PPP1R9A: variants seen among roughly 807,000 people sequenced by gnomAD.
The protein encoded by PPP1R9A is protein phosphatase 1 regulatory subunit 9A.
In PPP1R9A, 59 loss-of-function variants were observed where a neutral mutation model predicts 141.9. That is an observed-to-expected ratio of 0.42 (90% CI 0.34 to 0.52). PPP1R9A has a LOEUF of 0.52. Ranked by LOEUF, PPP1R9A falls within the 20% of genes least tolerant of loss-of-function variation. The pLI is 0.10. For synonymous variants in PPP1R9A, 500 were observed against 569.7 expected, an observed-to-expected ratio of 0.88 and a Z score of 1.74; for missense variants, 1,444 against 1,611.9, an observed-to-expected ratio of 0.90 and a Z score of 1.78.
chr7:95,085,386 C>A (rs1371198075), intron 2 of PPP1R9A, among the ~76,000 whole-genome samples: 1 of 150,976 alleles, frequency 6.6e-6, no homozygotes, highest in Non-Finnish European at 1.5e-5. Context: ...AGGCATGAGC[C>A]ACTGCGCTCA....
At chr7:95,163,142 GA>G (rs1472774773) in intron 5 of PPP1R9A, among the ~76,000 whole-genome samples, 1 of 152,162 alleles carries the variant, frequency 6.6e-6, no homozygotes, top group Non-Finnish European at 1.5e-5. Flanking sequence ...ATTTTAAAAT[GA>G]AATAGGTAAG....
intron 8 of PPP1R9A, among the ~76,000 whole-genome samples, chr7:95,229,223 A>G (rs1024223059): frequency 4.6e-5 from 7 of 152,010 alleles, no homozygotes; most frequent in African/African-American, 1.7e-4. Flanking sequence ...TTTTGCCCCA[A>G]GAACTACCAC....
intron 5 of PPP1R9A, among the ~76,000 whole-genome samples, chr7:95,168,757 CAT>C (rs1472506694): frequency 6.6e-6 from 1 of 151,952 alleles, no homozygotes. Flanking sequence ...CAAAATAAGA[CAT>C]AGAAATGACT....
intron 2 of PPP1R9A, among the ~76,000 whole-genome samples, chr7:95,110,988 C>T (rs978023954): frequency 4.6e-5 from 7 of 152,112 alleles, no homozygotes; most frequent in Admixed American, 6.6e-5. Context: ...CTATAAAAGG[C>T]GATAAATATT....
chr7:94,996,659 C>T lies in PPP1R9A; in HGVS notation c.1395+85151C>T, dbSNP rs187183177. On this transcript the variant is annotated intron_variant, in intron 2 of 19. Coordinates refer to ENST00000433360, the MANE Select transcript of PPP1R9A (RefSeq NM_001166160.2). Reference sequence around the variant, plus strand: ...TCTTGGATTCAAAGTACACATATGTCACTTGTTTACTATTATAGGCTACTT... The same window carrying T: ...TCTTGGATTCAAAGTACACATATGTTACTTGTTTACTATTATAGGCTACTT... Among the ~76,000 whole-genome samples, 4 of 152,244 alleles carry T rather than the reference C, an allele frequency of 2.6e-5. No individual in the cohort carries two copies. In the South Asian group the frequency reaches 8.3e-4, roughly 32 times the overall value.
At chr7:95,034,851 T>G (rs1808224572) in intron 2 of PPP1R9A, among the ~76,000 whole-genome samples, 1 of 152,216 alleles carries the variant, frequency 6.6e-6, no homozygotes, top group South Asian at 2.1e-4. Context: ...TATTTTTGTT[T>G]AATCTTTTTA....
intron 2 of PPP1R9A, among the ~76,000 whole-genome samples, chr7:94,934,448 T>G (rs1412993752): frequency 6.6e-6 from 1 of 152,228 alleles, no homozygotes; most frequent in African/African-American, 2.4e-5. Flanking sequence ...TGTTGAGATC[T>G]ATCCTGAGTT....
At chr7:95,171,422 CA>C (rs1832093680) in intron 5 of PPP1R9A, among the ~76,000 whole-genome samples, 1 of 151,484 alleles carries the variant, frequency 6.6e-6, no homozygotes, top group African/African-American at 2.4e-5. Context: ...TTTTAAAAGT[CA>C]GTTTTGAAAA....
intron 2 of PPP1R9A, among the ~76,000 whole-genome samples, chr7:95,011,759 A>G (rs1804450936): frequency 6.6e-6 from 1 of 152,186 alleles, no homozygotes; most frequent in Non-Finnish European, 1.5e-5. Context: ...CACATTTCTT[A>G]TGAATGACTT....
chr7:95,025,930 A>T (rs1357009780), intron 2 of PPP1R9A, among the ~76,000 whole-genome samples: 1 of 152,130 alleles, frequency 6.6e-6, no homozygotes, highest in Non-Finnish European at 1.5e-5. Flanking sequence ...CCATCAGATC[A>T]TTTATGTTCT....
chr7:95,235,922 C>T (rs1796614964), intron 8 of PPP1R9A, among the ~76,000 whole-genome samples: 1 of 152,152 alleles, frequency 6.6e-6, no homozygotes, highest in Non-Finnish European at 1.5e-5. Context: ...TATGTTCTCA[C>T]TTAAATGTGG....
intron 2 of PPP1R9A, among the ~76,000 whole-genome samples, chr7:94,917,716 CT>C (rs749577385): frequency 2.6e-5 from 4 of 152,044 alleles, no homozygotes; most frequent in Non-Finnish European, 2.9e-5. Context: ...CAGTTGCTTG[CT>C]TTTTGGATCA....
Position 95,150,194 on chromosome 7 carries a change from T to G in PPP1R9A, c.1650-11673T>G, listed in dbSNP as rs192932077. Reference sequence around the variant, plus strand: ...AAATCTGAAGAAGTACCTTACACCCTTCACAAGAATTAACTCAAAATGAAT... The same window carrying G: ...AAATCTGAAGAAGTACCTTACACCCGTCACAAGAATTAACTCAAAATGAAT... On this transcript the variant is annotated intron_variant, in intron 4 of 19. Transcript: ENST00000433360. Among the ~76,000 whole-genome samples the G allele has an allele frequency of 4.6e-5, 7 of 151,684 alleles. No individual in the cohort carries two copies. In the East Asian group the frequency reaches 9.6e-4, roughly 21 times the overall value.
chr7:95,263,007 C>T (rs1334269931), intron 12 of PPP1R9A, among the ~76,000 whole-genome samples: 3 of 152,094 alleles, frequency 2.0e-5, no homozygotes, highest in African/African-American at 7.2e-5. Flanking sequence ...GCCAAATTAT[C>T]TGGCAGTTAG....
At chr7:95,076,569 A>G (rs902468619) in intron 2 of PPP1R9A, among the ~76,000 whole-genome samples, 1 of 152,046 alleles carries the variant, frequency 6.6e-6, no homozygotes, top group Non-Finnish European at 1.5e-5. Flanking sequence ...ATTTTCTCTT[A>G]TATCTAGCTG....
chr7:94,987,547 G>A (rs1303260311), intron 2 of PPP1R9A, among the ~76,000 whole-genome samples: 1 of 152,064 alleles, frequency 6.6e-6, no homozygotes, highest in African/African-American at 2.4e-5. Context: ...GTTCTCTGTA[G>A]CGTTATTTAA....
intron 2 of PPP1R9A, among the ~76,000 whole-genome samples, chr7:95,074,803 G>A (rs1814594797): frequency 6.6e-6 from 1 of 151,884 alleles, no homozygotes; most frequent in Non-Finnish European, 1.5e-5. Flanking sequence ...GTTTCCATGG[G>A]TGTTGCTAAA....
chr7:95,229,962 A>G (rs117247451), intron 8 of PPP1R9A, among the ~76,000 whole-genome samples: 1 of 152,324 alleles, frequency 6.6e-6, no homozygotes, highest in East Asian at 1.9e-4. Flanking sequence ...CATGGCTACA[A>G]GACCTGAAGA....
intron 2 of PPP1R9A, among the ~76,000 whole-genome samples, chr7:94,929,493 C>T (rs1483927462): frequency 6.6e-6 from 1 of 152,162 alleles, no homozygotes; most frequent in Admixed American, 6.5e-5. Flanking sequence ...GAAAAAAATG[C>T]TGTCTTTTGC....
Sources: gnomAD v4.1 joint callset for allele counts (sites outside exome capture counted in the v4.1 genomes callset) on GRCh38, gnomAD v4.1.1 for gene constraint, MANE v1.5 for transcripts, NCBI Gene and HGNC (gene_info 2026-07-23, HGNC 2026-07-21) for gene names.